Variants in KLRG1 observed in about 807,000 individuals in gnomAD.
KLRG1 encodes killer cell lectin like receptor G1, also known as killer cell lectin-like receptor subfamily G member 1.
Under a neutral mutation model 21.8 loss-of-function variants are expected in KLRG1, and 16 were observed. The ratio of observed to expected loss-of-function variants is 0.73; its 90% CI spans 0.50 to 1.11. The LOEUF (loss-of-function observed/expected upper bound fraction) is 1.11. Among genes scored for constraint, KLRG1 ranks in the 50% most tolerant of loss-of-function variants. The pLI, the probability that KLRG1 is intolerant of heterozygous loss-of-function variation, is 0.00. For missense variants in KLRG1, 173 were observed against 218.3 expected (o/e 0.79, Z 1.31); for synonymous variants, 69 against 75.9 (o/e 0.91, Z 0.47).
chr12:8,977,273 G>A (rs892515463), intron 1 of KLRG1, among the ~76,000 whole-genome samples: 4 of 150,874 alleles, frequency 2.7e-5, no homozygotes, highest in Admixed American at 1.3e-4. Context: ...GCGTGATCTC[G>A]GCTCACTGCA....
the KLRG1 span, among the ~76,000 whole-genome samples, chr12:9,141,235 C>T: frequency 6.6e-6 from 1 of 152,112 alleles, no homozygotes; most frequent in East Asian, 1.9e-4. Flanking sequence ...ATACCAATAA[C>T]ATATGTATGC....
upstream of KLRG1, among the ~76,000 whole-genome samples, chr12:8,985,161 GT>G (rs1324137660): frequency 1.3e-5 from 1 of 77,492 alleles, no homozygotes; most frequent in East Asian, 4.0e-4. Context: ...GTCTATGACA[GT>G]TTCTCAGTGT....
At chr12:9,131,235 T>C in the KLRG1 span, among the ~76,000 whole-genome samples, 1 of 152,230 alleles carries the variant, frequency 6.6e-6, no homozygotes, top group Non-Finnish European at 1.5e-5. Context: ...ACCTTTATTC[T>C]TCTTCCAAAG....
At chr12:9,112,934 C>T in the KLRG1 span, among the ~76,000 whole-genome samples, 3 of 152,122 alleles carry the variant, frequency 2.0e-5, no homozygotes, top group Non-Finnish European at 4.4e-5. Flanking sequence ...ATGTGGACAA[C>T]TCTGAAGAGA....
chr12:8,983,084 G>A (rs1402266619), intron 1 of KLRG1, among the ~76,000 whole-genome samples: 1 of 151,990 alleles, frequency 6.6e-6, no homozygotes, highest in Non-Finnish European at 1.5e-5. Context: ...TTTTTAAAAT[G>A]ATTTGCCTTA....
chr12:9,122,734 G>A, the KLRG1 span, among the ~76,000 whole-genome samples: 1 of 151,974 alleles, frequency 6.6e-6, no homozygotes, highest in Non-Finnish European at 1.5e-5. Flanking sequence ...ATTGTATAAG[G>A]TATTATTGAA....
the KLRG1 span, among the ~76,000 whole-genome samples, chr12:9,100,253 G>T: frequency 6.6e-6 from 1 of 152,096 alleles, no homozygotes; most frequent in Non-Finnish European, 1.5e-5. Flanking sequence ...AAATGACTCA[G>T]CACAAGACCT....
At chr12:9,119,860 G>A in the KLRG1 span, among the ~76,000 whole-genome samples, 1 of 152,230 alleles carries the variant, frequency 6.6e-6, no homozygotes, top group Non-Finnish European at 1.5e-5. Flanking sequence ...CTTTCACCAC[G>A]ACAGAGCCTC....
At chr12:9,093,091 T>A in the KLRG1 span, among the ~76,000 whole-genome samples, 1 of 152,170 alleles carries the variant, frequency 6.6e-6, no homozygotes, top group African/African-American at 2.4e-5. Flanking sequence ...TGGTTGGGGT[T>A]GCAGGGATGG....
the KLRG1 span, chr12:9,107,415 G>T: frequency 1.5e-6 from 2 of 1,313,912 alleles, no homozygotes; most frequent in Non-Finnish European, 1.0e-6. Context: ...AGCCAACATG[G>T]AATTCTCTTC....
downstream of KLRG1, among the ~76,000 whole-genome samples, chr12:9,013,837 G>A (rs1947664280): frequency 6.6e-6 from 1 of 152,132 alleles, no homozygotes; most frequent in African/African-American, 2.4e-5. Context: ...GTGGGGCATA[G>A]CCAAACCACA....
At chr12:9,154,516 G>C in the KLRG1 span, 4 of 1,137,076 alleles carry the variant, frequency 3.5e-6, no homozygotes, top group South Asian at 4.7e-5. Flanking sequence ...CTTCTTCAAT[G>C]ATTTAATAAT....
chr12:9,196,978 G>A, the KLRG1 span: 7 of 1,438,998 alleles, frequency 4.9e-6, no homozygotes. Context: ...GTTGTAAACA[G>A]TGATAGCACT....
the KLRG1 span, among the ~76,000 whole-genome samples, chr12:9,211,108 T>C: frequency 1.3e-5 from 2 of 152,186 alleles, no homozygotes; most frequent in Non-Finnish European, 2.9e-5. Context: ...CTACCAGTAG[T>C]GCATGAGGAT....
the KLRG1 span, among the ~76,000 whole-genome samples, chr12:9,197,664 AT>A: frequency 9.4e-6 from 1 of 106,030 alleles, no homozygotes. Context: ...ATATAAAATT[AT>A]TATATATATT....
the KLRG1 span, among the ~76,000 whole-genome samples, chr12:9,039,840 A>G: frequency 5.9e-5 from 9 of 152,256 alleles, no homozygotes; most frequent in African/African-American, 9.6e-5. Context: ...TGGCCATTCA[A>G]TTATTCCCTT....
chr12:8,985,217 G>GA (rs1946823840), upstream of KLRG1, among the ~76,000 whole-genome samples: 2 of 151,224 alleles, frequency 1.3e-5, no homozygotes, highest in African/African-American at 4.9e-5. Context: ...GTATTGGTCA[G>GA]ATATTTAGTA....
chr12:9,017,529 A>G, the KLRG1 span, among the ~76,000 whole-genome samples: 1 of 152,178 alleles, frequency 6.6e-6, no homozygotes. Context: ...GATTATTTCA[A>G]TTGATGCTGA....
At chr12:9,124,257 C>T in the KLRG1 span, among the ~76,000 whole-genome samples, 1 of 152,206 alleles carries the variant, frequency 6.6e-6, no homozygotes, top group East Asian at 1.9e-4. Flanking sequence ...GCCGCTGCTG[C>T]CATAATGTTG....
Sources: allele counts gnomAD v4.1 joint callset (sites outside exome capture counted in the v4.1 genomes callset), GRCh38; gene constraint gnomAD v4.1.1; transcripts MANE v1.5; gene names NCBI Gene and HGNC (gene_info 2026-07-23, HGNC 2026-07-21).